ARHGAP42: variants seen among roughly 807,000 people sequenced by gnomAD.
The protein encoded by ARHGAP42 is rho GTPase-activating protein 42.
ARHGAP42 carries 63 observed loss-of-function variants against 125.0 expected under a neutral mutation model. The observed-to-expected ratio is 0.50, with a 90% CI of 0.41 to 0.62. The LOEUF is 0.62. ARHGAP42 is among the 20% of genes least tolerant of loss of function. ARHGAP42 has a pLI of 0.00. For synonymous variants in ARHGAP42, 339 were observed against 351.0 expected, an observed-to-expected ratio of 0.97 and a Z score of 0.38; for missense variants, 766 against 1,024.2, an observed-to-expected ratio of 0.75 and a Z score of 3.44.
In ARHGAP42 at chr11:100,993,761, TTTTG is replaced by T. The variant is rs1858903535; in HGVS notation, c.*4964_*4967del. 1.2e-5 allele frequency: 2 copies of T among 167,222 alleles called. No individual in the cohort carries two copies. The highest frequency in any genetic ancestry group is 1.3e-4 in the Admixed American group (2 of 15,310). The allele number at this position is 167,222 out of a possible 1,614,324, so 10.4% of individuals were successfully genotyped here. A position where few individuals can be genotyped will look rare whatever the true frequency, so the allele number is the denominator to read the frequency against. Reference sequence around the variant, plus strand: ...ATTGTCCATAAATTATCATTGAATTTTTTGTTTATTTTGTAGTGTTCTGTATTTA... The same window carrying T: ...ATTGTCCATAAATTATCATTGAATTTTTTATTTTGTAGTGTTCTGTATTTA... On this transcript the variant is annotated 3_prime_UTR_variant, in exon 24 of 24. Coordinates refer to ENST00000298815, the MANE Select transcript of ARHGAP42 (RefSeq NM_152432.4).
intron 10 of ARHGAP42, among the ~76,000 whole-genome samples, chr11:100,947,671 G>A (rs1868061948): frequency 6.6e-6 from 1 of 151,912 alleles, no homozygotes; most frequent in South Asian, 2.1e-4. Context: ...CTCATGATCT[G>A]TGTTCTTGTT....
intron 4 of ARHGAP42, among the ~76,000 whole-genome samples, chr11:100,886,454 G>T (rs1418348245): frequency 6.6e-6 from 1 of 152,072 alleles, no homozygotes; most frequent in Non-Finnish European, 1.5e-5. Context: ...TTCTCTGATT[G>T]CTTAATTTTG....
intron 20 of ARHGAP42, 118 bp from the exon 21 acceptor site, chr11:100,976,697 C>A: frequency 7.7e-7 from 1 of 1,302,206 alleles, no homozygotes; most frequent in Non-Finnish European, 1.0e-6. Flanking sequence ...AAAGAACATT[C>A]TGTACCTTCC....
intron 3 of ARHGAP42, among the ~76,000 whole-genome samples, chr11:100,813,961 G>A (rs1000879849): frequency 3.9e-5 from 6 of 152,106 alleles, no homozygotes; most frequent in African/African-American, 1.2e-4. Flanking sequence ...TTGGGAGGGC[G>A]AAGCAGGTGG....
intron 3 of ARHGAP42, among the ~76,000 whole-genome samples, chr11:100,826,967 G>GTTTTT (rs2135086219): frequency 6.8e-6 from 1 of 146,938 alleles, no homozygotes; most frequent in East Asian, 2.0e-4. Context: ...TGTGAGAAGG[G>GTTTTT]TTTTTTGGGT....
chr11:100,971,540 A>C (rs1212712540), intron 17 of ARHGAP42, among the ~76,000 whole-genome samples: 1 of 152,180 alleles, frequency 6.6e-6, no homozygotes, highest in Non-Finnish European at 1.5e-5. Context: ...GCCCAGCAGA[A>C]AGAAAATTCA....
intron 1 of ARHGAP42, among the ~76,000 whole-genome samples, chr11:100,731,415 C>T (rs949235637): frequency 1.3e-5 from 2 of 152,140 alleles, no homozygotes; most frequent in Admixed American, 1.3e-4. Flanking sequence ...TCCTAGAGTG[C>T]AGGGATTACA....
intron 4 of ARHGAP42, among the ~76,000 whole-genome samples, chr11:100,890,902 A>G (rs1008883323): frequency 1.3e-5 from 2 of 152,252 alleles, no homozygotes. Context: ...AGAGAACTCC[A>G]AGTCTTGGGA....
chr11:100,825,932 T>G (rs1864505602), intron 3 of ARHGAP42, among the ~76,000 whole-genome samples: 1 of 152,194 alleles, frequency 6.6e-6, no homozygotes, highest in Admixed American at 6.5e-5. Flanking sequence ...AACCATGCAG[T>G]GGCTGAGTTC....
chr11:100,992,059 G>C lies in ARHGAP42; in HGVS notation c.*3258G>C. 1 of 470,668 alleles carries C rather than the reference G, an allele frequency of 2.1e-6. No homozygotes were observed. The highest frequency in any genetic ancestry group is 3.7e-6 in the Non-Finnish European group (1 of 268,598). 29.2% of individuals were successfully genotyped at this position (470,668 alleles called of 1,614,324 possible). A position where few individuals can be genotyped will look rare whatever the true frequency, so the allele number is the denominator to read the frequency against. ...TACCCTGCTCACCTTCTCACTCCTA[G>C]CACCGTTCTTCTGGTCTGTGTTGAA... On this transcript the variant is annotated 3_prime_UTR_variant, in exon 24 of 24. Coordinates refer to ENST00000298815, the MANE Select transcript of ARHGAP42 (RefSeq NM_152432.4).
At chr11:100,901,681 G>C (rs12417055) in intron 4 of ARHGAP42, among the ~76,000 whole-genome samples, 7,945 of 152,336 alleles carry the variant, frequency 0.052, 378 homozygotes, top group East Asian at 0.25. Context: ...TGCTGTGCCA[G>C]CAGTGAGCAA....
intron 4 of ARHGAP42, among the ~76,000 whole-genome samples, chr11:100,889,454 C>T (rs936419992): frequency 3.9e-5 from 6 of 152,266 alleles, no homozygotes; most frequent in African/African-American, 1.4e-4. Context: ...AAGCAGTCCT[C>T]CCAGGATACC....
At chr11:100,794,014 T>C (rs1022368456) in intron 2 of ARHGAP42, among the ~76,000 whole-genome samples, 1 of 134,994 alleles carries the variant, frequency 7.4e-6, no homozygotes, top group African/African-American at 2.8e-5. Flanking sequence ...GCCTGGGAGA[T>C]CGAGGCTGCA....
At position 100,765,615 on chromosome 11, in the gene ARHGAP42, C is replaced by T. The variant is rs114749862; in HGVS notation, c.155-4728C>T. Among the ~76,000 whole-genome samples the T allele has an allele frequency of 2.7e-3, 406 of 152,272 alleles. 3 individuals carry two copies. Among genetic ancestry groups the T allele is most frequent in the African/African-American group, 9.3e-3 (385 of 41,542 alleles). Reference sequence around the variant, plus strand: ...TATTAATCTCTGTCAGAGAATTTATCGATTGCCCTCTGTTATGATTAATTA... The same window carrying T: ...TATTAATCTCTGTCAGAGAATTTATTGATTGCCCTCTGTTATGATTAATTA... On this transcript the variant is annotated intron_variant, in intron 1 of 23. Coordinates refer to ENST00000298815, the MANE Select transcript of ARHGAP42 (RefSeq NM_152432.4).
At chr11:100,887,809 C>T (rs1336357333) in intron 4 of ARHGAP42, among the ~76,000 whole-genome samples, 1 of 152,166 alleles carries the variant, frequency 6.6e-6, no homozygotes, top group Non-Finnish European at 1.5e-5. Context: ...TCAGGCAGCC[C>T]AAATCTAGTG....
In ARHGAP42 at chr11:100,921,488, C is replaced by G. The variant is rs778244723; in HGVS notation, c.487-6C>G. On this transcript the variant is annotated splice_region_variant and splice_polypyrimidine_tract_variant and intron_variant, in intron 5 of 23. Coordinates refer to ENST00000298815, the MANE Select transcript of ARHGAP42 (RefSeq NM_152432.4). ...TCAGTAATCACCCTCTGGTTTTTCTCTTTAGGCAGATACACAAATTGACCG... is the reference window on the plus strand; with the variant it reads ...TCAGTAATCACCCTCTGGTTTTTCTGTTTAGGCAGATACACAAATTGACCG... The G allele has an allele frequency of 1.6e-5, 25 of 1,534,374 alleles. No individual in the cohort carries two copies. In the Admixed American group the frequency reaches 4.2e-4, roughly 26 times the overall value.
chr11:100,949,861 T>A (rs1565290470), intron 11 of ARHGAP42, 56 bp from the exon 12 acceptor site: 4 of 1,178,998 alleles, frequency 3.4e-6, no homozygotes, highest in African/African-American at 1.6e-5. Context: ...ACCTTGCTAA[T>A]CTTTTGTGCT....
chr11:100,940,550 G>A (rs1472548230), intron 8 of ARHGAP42, among the ~76,000 whole-genome samples: 4 of 152,150 alleles, frequency 2.6e-5, no homozygotes, highest in Non-Finnish European at 4.4e-5. Flanking sequence ...GAGAATACTG[G>A]ACAATAACAT....
chr11:100,820,122 C>T (rs1213200329), intron 3 of ARHGAP42, among the ~76,000 whole-genome samples: 1 of 152,066 alleles, frequency 6.6e-6, no homozygotes, highest in African/African-American at 2.4e-5. Context: ...TCCCAGGCAA[C>T]TCCTGCTAAT....
Sources: allele counts gnomAD v4.1 joint callset (sites outside exome capture counted in the v4.1 genomes callset), GRCh38; gene constraint gnomAD v4.1.1; transcripts MANE v1.5; gene names NCBI Gene and HGNC (gene_info 2026-07-23, HGNC 2026-07-21).